The following SRGAP2B variants were observed in gnomAD, a reference collection of about 807,000 sequenced individuals.
SRGAP2B encodes the protein SLIT-ROBO Rho GTPase-activating protein 2B.
In SRGAP2B, 9 loss-of-function variants were observed where a neutral mutation model predicts 22.2. The ratio of observed to expected loss-of-function variants is 0.41; its 90% CI spans 0.24 to 0.71. SRGAP2B has a LOEUF of 0.71. Ranked by LOEUF, SRGAP2B falls within the 30% of genes least tolerant of loss-of-function variation. SRGAP2B has a pLI of 0.35. For synonymous variants in SRGAP2B, 36 were observed against 87.4 expected (o/e 0.41, Z 3.28); for missense variants, 114 against 235.8 (o/e 0.48, Z 3.38).
chr1:144,971,669 C>A (rs1553613313), intron 3 of SRGAP2B, among the ~76,000 whole-genome samples: 1 of 150,846 alleles, frequency 6.6e-6, no homozygotes, highest in African/African-American at 2.5e-5. Context: ...TCTTCTGTGC[C>A]TAATGTAGCT....
intron 3 of SRGAP2B, among the ~76,000 whole-genome samples, chr1:144,963,787 C>G (rs7512628): frequency 4.0e-5 from 6 of 150,892 alleles, no homozygotes; most frequent in Non-Finnish European, 5.9e-5. Flanking sequence ...GTAACCACCC[C>G]CTTAAGAGCA....
chr1:144,991,081 C>A (rs1462348418), intron 3 of SRGAP2B, among the ~76,000 whole-genome samples: 10 of 150,930 alleles, frequency 6.6e-5, no homozygotes, highest in Non-Finnish European at 1.2e-4. Flanking sequence ...AGCCCCGGTG[C>A]GGGATCCACT....
intron 5 of SRGAP2B, among the ~76,000 whole-genome samples, chr1:144,909,517 G>T (rs1663251807): frequency 6.9e-6 from 1 of 144,900 alleles, no homozygotes; most frequent in African/African-American, 2.7e-5. Context: ...AACCTGGGAG[G>T]TGGAGCTTGC....
chr1:145,084,962 A>G (rs1553635250), intron 2 of SRGAP2B, among the ~76,000 whole-genome samples: 1 of 151,156 alleles, frequency 6.6e-6, no homozygotes, highest in African/African-American at 2.4e-5. Context: ...TTTGTTTTTG[A>G]GATGGAGGCT....
intron 3 of SRGAP2B, among the ~76,000 whole-genome samples, chr1:144,970,423 C>A (rs1462431045): frequency 1.4e-4 from 17 of 122,504 alleles, no homozygotes; most frequent in African/African-American, 5.8e-4. Context: ...CGCATATTCT[C>A]ACTCATAGGT....
chr1:144,944,715 A>C (rs797038320), intron 4 of SRGAP2B, among the ~76,000 whole-genome samples: 1 of 142,392 alleles, frequency 7.0e-6, no homozygotes, highest in Non-Finnish European at 1.5e-5. Context: ...TTATTTATTT[A>C]TTTATTTATT....
At chr1:145,022,420 G>GCT (rs1647255196) in intron 2 of SRGAP2B, among the ~76,000 whole-genome samples, 1 of 121,872 alleles carries the variant, frequency 8.2e-6, no homozygotes, top group Non-Finnish European at 1.6e-5. Context: ...CACATCTAAG[G>GCT]CTCTCGGCAA....
intron 2 of SRGAP2B, among the ~76,000 whole-genome samples, chr1:145,056,980 C>CA (rs1650460812): frequency 6.7e-6 from 1 of 148,650 alleles, no homozygotes; most frequent in Middle Eastern, 3.2e-3. Flanking sequence ...CACACACACA[C>CA]ACACACACAC....
At chr1:144,902,749 G>C (rs1252339160) in intron 7 of SRGAP2B, among the ~76,000 whole-genome samples, 1 of 139,722 alleles carries the variant, frequency 7.2e-6, no homozygotes, top group Non-Finnish European at 1.5e-5. Context: ...GCGACAGAGA[G>C]AGACTCCTTC....
chr1:144,929,703 G>A (rs1294206407), intron 4 of SRGAP2B, among the ~76,000 whole-genome samples: 1 of 151,176 alleles, frequency 6.6e-6, no homozygotes, highest in Non-Finnish European at 1.5e-5. Flanking sequence ...GGTCTAGGAT[G>A]ATAGTATCTT....
intron 4 of SRGAP2B, among the ~76,000 whole-genome samples, chr1:144,934,118 C>T (rs1474488792): frequency 1.2e-4 from 18 of 149,614 alleles, no homozygotes; most frequent in Middle Eastern, 3.5e-3. Context: ...AGAAGAGCAA[C>T]CCAGGGCCGG....
rs2987951 is a variant in SRGAP2B at position 144,971,193 on chromosome 1, C to T, written c.261-15592G>A. On this transcript the variant is annotated intron_variant, in intron 3 of 9. Coordinates refer to ENST00000612199, the Ensembl canonical transcript of SRGAP2B. Reference sequence around the variant, plus strand: ...TTGTCCAGGCTAGAGTGCAATGGTGCGATCTCGGCTCACCGCAACCTCCGC... The same window carrying T: ...TTGTCCAGGCTAGAGTGCAATGGTGTGATCTCGGCTCACCGCAACCTCCGC... 4.1e-5 allele frequency among the ~76,000 whole-genome samples: 6 copies of T among 146,388 alleles called. 1 individual carries two copies. Among genetic ancestry groups the T allele is most frequent in the East Asian group, 4.0e-4 (2 of 5,012 alleles).
intron 5 of SRGAP2B, among the ~76,000 whole-genome samples, chr1:144,911,718 T>G (rs1337976923): frequency 7.2e-6 from 1 of 138,904 alleles, no homozygotes; most frequent in Admixed American, 7.3e-5. Context: ...CCTGGGTTCA[T>G]GCCATTCTCC....
rs1307164945 is a variant in SRGAP2B, at chr1:145,044,700, A to C, written c.67+48135T>G. On this transcript the variant is annotated intron_variant, in intron 2 of 9. Coordinates refer to ENST00000612199, the Ensembl canonical transcript of SRGAP2B. Reference sequence around the variant, plus strand: ...AAAAAAAAAAAAAAAAAAAAAAAAAACAGAAAAAGCAAGACAAGACAGAAT... The same window carrying C: ...AAAAAAAAAAAAAAAAAAAAAAAAACCAGAAAAAGCAAGACAAGACAGAAT... 4.7e-3 allele frequency among the ~76,000 whole-genome samples: 557 copies of C among 118,064 alleles called. 7 individuals are homozygous for C. The highest frequency in any genetic ancestry group is 0.017 in the African/African-American group (529 of 30,594). The allele number at this position is 118,064 out of a possible 152,430, so 77.5% of individuals were successfully genotyped here.
intron 4 of SRGAP2B, among the ~76,000 whole-genome samples, chr1:144,932,766 T>G (rs1231974852): frequency 9.5e-6 from 1 of 104,770 alleles, no homozygotes; most frequent in African/African-American, 4.0e-5. Context: ...TTGTCACAAC[T>G]ATGCCTGTCC....
intron 2 of SRGAP2B, among the ~76,000 whole-genome samples, chr1:145,011,448 A>G (rs148260687): frequency 0.046 from 6,841 of 149,214 alleles, 807 homozygotes; most frequent in African/African-American, 0.16. Context: ...AGTCAACTCC[A>G]GCCTCCAACT....
intron 4 of SRGAP2B, among the ~76,000 whole-genome samples, chr1:144,938,679 AC>A (rs1665813570): frequency 7.3e-6 from 1 of 136,686 alleles, no homozygotes; most frequent in African/African-American, 2.8e-5. Context: ...TTATATATTT[AC>A]TTTTTTATGT....
chr1:144,967,449 C>A (rs1260467926), intron 3 of SRGAP2B, among the ~76,000 whole-genome samples: 1 of 129,952 alleles, frequency 7.7e-6, no homozygotes, highest in African/African-American at 3.1e-5. Context: ...CCAACGAGAA[C>A]AAAGACACAA....
chr1:145,030,704 A>T (rs1295702067), intron 2 of SRGAP2B, among the ~76,000 whole-genome samples: 1 of 6,824 alleles, frequency 1.5e-4, no homozygotes, highest in Non-Finnish European at 2.4e-4. Flanking sequence ...AGTATAATTT[A>T]AAAAAAAAAA....
Sources: gnomAD v4.1 joint callset for allele counts (sites outside exome capture counted in the v4.1 genomes callset) on GRCh38, gnomAD v4.1.1 for gene constraint, MANE v1.5 for transcripts, NCBI Gene and HGNC (gene_info 2026-07-23, HGNC 2026-07-21) for gene names.